TMEM178B: variants seen among roughly 807,000 people sequenced by gnomAD.
TMEM178B encodes the protein transmembrane protein 178B.
In TMEM178B, 5 loss-of-function variants were observed where a neutral mutation model predicts 31.0. That is an observed-to-expected ratio of 0.16 (90% CI 0.08 to 0.34). The LOEUF (loss-of-function observed/expected upper bound fraction) is 0.34, where lower values mean the gene tolerates loss of function less well. Among genes scored for constraint, TMEM178B ranks in the 10% least tolerant of loss-of-function variants. The pLI is 1.00. For synonymous variants in TMEM178B, 164 were observed against 164.0 expected (o/e 1.00, Z 0.00); for missense variants, 275 against 400.3 (o/e 0.69, Z 2.67).
intron 2 of TMEM178B, among the ~76,000 whole-genome samples, chr7:141,285,067 A>C (rs1189993910): frequency 3.3e-5 from 5 of 151,690 alleles, no homozygotes; most frequent in East Asian, 1.9e-4. Flanking sequence ...AAAAAAAAAA[A>C]AAAACTACAT....
chr7:141,117,587 C>T (rs1247170801), intron 1 of TMEM178B, among the ~76,000 whole-genome samples: 1 of 152,118 alleles, frequency 6.6e-6, no homozygotes, highest in Non-Finnish European at 1.5e-5. Context: ...TTTGCCCATG[C>T]CTATGTCCTG....
intron 2 of TMEM178B, among the ~76,000 whole-genome samples, chr7:141,402,634 T>A (rs1365608191): frequency 6.6e-6 from 1 of 152,232 alleles, no homozygotes; most frequent in Non-Finnish European, 1.5e-5. Context: ...TATGGGCAGT[T>A]GCCTGAAGAC....
chr7:141,322,574 A>G (rs1293061993), intron 2 of TMEM178B, among the ~76,000 whole-genome samples: 2 of 152,260 alleles, frequency 1.3e-5, no homozygotes, highest in African/African-American at 2.4e-5. Context: ...CACAAAGAAT[A>G]CAGAGTCATA....
intron 2 of TMEM178B, among the ~76,000 whole-genome samples, chr7:141,297,530 C>T (rs1297457166): frequency 1.3e-5 from 2 of 152,162 alleles, no homozygotes; most frequent in East Asian, 1.9e-4. Flanking sequence ...CAACAGGCCC[C>T]AGTGTGTGAT....
intron 2 of TMEM178B, among the ~76,000 whole-genome samples, chr7:141,387,856 TC>T (rs1404308868): frequency 1.3e-5 from 2 of 152,144 alleles, no homozygotes; most frequent in African/African-American, 2.4e-5. Flanking sequence ...AACCCAGAAC[TC>T]CTGCAGATTC....
chr7:141,319,066 A>C (rs1258075033), intron 2 of TMEM178B, among the ~76,000 whole-genome samples: 2 of 152,246 alleles, frequency 1.3e-5, no homozygotes, highest in East Asian at 1.9e-4. Flanking sequence ...AGTACAAAGC[A>C]GAAGGCTTAG....
intron 1 of TMEM178B, among the ~76,000 whole-genome samples, chr7:141,148,792 C>T (rs571349048): frequency 2.0e-5 from 3 of 152,174 alleles, no homozygotes; most frequent in African/African-American, 4.8e-5. Context: ...TGTAAGGAAT[C>T]GAATTAAGAA....
chr7:141,248,670 T>A (rs192714424), intron 2 of TMEM178B, among the ~76,000 whole-genome samples: 1 of 152,142 alleles, frequency 6.6e-6, no homozygotes, highest in Non-Finnish European at 1.5e-5. Context: ...AAATATAAGG[T>A]ATAAAAGGTA....
intron 2 of TMEM178B, among the ~76,000 whole-genome samples, chr7:141,351,217 G>A (rs543667218): frequency 6.6e-5 from 10 of 152,316 alleles, no homozygotes; most frequent in East Asian, 5.8e-4. Flanking sequence ...CCAAACTCTC[G>A]TGACATAAAG....
At chr7:141,167,435 A>G (rs761473760) in intron 1 of TMEM178B, among the ~76,000 whole-genome samples, 43 of 152,228 alleles carry the variant, frequency 2.8e-4, no homozygotes, top group Non-Finnish European at 5.7e-4. Context: ...GTGTGCGCGA[A>G]TCGTGTTGCC....
chr7:141,275,421 T>C (rs943818498), intron 2 of TMEM178B, among the ~76,000 whole-genome samples: 3 of 152,216 alleles, frequency 2.0e-5, no homozygotes, highest in African/African-American at 7.2e-5. Flanking sequence ...GAAAACTGTG[T>C]AGTTTGCCTT....
At chr7:141,291,617 G>A (rs1180898731) in intron 2 of TMEM178B, among the ~76,000 whole-genome samples, 1 of 152,128 alleles carries the variant, frequency 6.6e-6, no homozygotes, top group African/African-American at 2.4e-5. Context: ...TAAAAGAGGT[G>A]AGAACACCTT....
intron 2 of TMEM178B, among the ~76,000 whole-genome samples, chr7:141,434,030 C>G (rs1219286020): frequency 6.6e-6 from 1 of 152,208 alleles, no homozygotes; most frequent in Non-Finnish European, 1.5e-5. Context: ...CAGCCCCTCC[C>G]CGACCTGGAA....
intron 2 of TMEM178B, among the ~76,000 whole-genome samples, chr7:141,405,565 G>A (rs1298550190): frequency 1.3e-5 from 2 of 152,228 alleles, no homozygotes; most frequent in Non-Finnish European, 2.9e-5. Context: ...ATACAAGTGT[G>A]AGGATTAATT....
At chr7:141,453,802 C>T (rs970722297) in intron 3 of TMEM178B, among the ~76,000 whole-genome samples, 8 of 152,028 alleles carry the variant, frequency 5.3e-5, no homozygotes, top group African/African-American at 1.9e-4. Flanking sequence ...AGCAGTATGC[C>T]AAGTCTTTAT....
intron 2 of TMEM178B, among the ~76,000 whole-genome samples, chr7:141,423,416 C>T (rs1012223039): frequency 6.6e-6 from 1 of 152,174 alleles, no homozygotes; most frequent in Admixed American, 6.5e-5. Flanking sequence ...AGATATTTTA[C>T]AAAAAGTCAT....
At chr7:141,254,525 C>T (rs1177795362) in intron 2 of TMEM178B, among the ~76,000 whole-genome samples, 4 of 152,080 alleles carry the variant, frequency 2.6e-5, no homozygotes, top group Non-Finnish European at 4.4e-5. Context: ...CGAGACCAGC[C>T]CGGCTAACAT....
intron 2 of TMEM178B, among the ~76,000 whole-genome samples, chr7:141,270,433 C>T (rs886976963): frequency 3.3e-5 from 5 of 152,056 alleles, no homozygotes; most frequent in East Asian, 1.9e-4. Flanking sequence ...AGCTGACATT[C>T]GGGAATTTTC....
chr7:141,401,827 T>C (rs1800782373), intron 2 of TMEM178B, among the ~76,000 whole-genome samples: 1 of 152,182 alleles, frequency 6.6e-6, no homozygotes, highest in Non-Finnish European at 1.5e-5. Flanking sequence ...ACATCCCTGA[T>C]GGAGTCGTAA....
Sources: allele counts gnomAD v4.1 joint callset (sites outside exome capture counted in the v4.1 genomes callset), GRCh38; gene constraint gnomAD v4.1.1; transcripts MANE v1.5; gene names NCBI Gene and HGNC (gene_info 2026-07-23, HGNC 2026-07-21).